SHCBP1: variants seen among roughly 807,000 people sequenced by gnomAD.
The protein encoded by SHCBP1 is SHC SH2 domain-binding protein 1.
A neutral mutation model predicts 75.1 loss-of-function variants in SHCBP1; 60 were observed. The ratio of observed to expected loss-of-function variants is 0.80; its 90% CI spans 0.65 to 0.99. SHCBP1 has a LOEUF of 0.99. SHCBP1 is among the 50% of genes least tolerant of loss of function. SHCBP1 has a pLI of 0.00. For missense variants in SHCBP1, 709 were observed against 809.4 expected, an observed-to-expected ratio of 0.88 and a Z score of 1.50; for synonymous variants, 290 against 293.2, an observed-to-expected ratio of 0.99 and a Z score of 0.11.
At chr16:46,600,535 C>G (rs1474992489) in intron 8 of SHCBP1, among the ~76,000 whole-genome samples, 1 of 152,102 alleles carries the variant, frequency 6.6e-6, no homozygotes, top group Non-Finnish European at 1.5e-5. Flanking sequence ...AAGCACTCAC[C>G]CTTAGAAGTT....
At position 46,581,668 on chromosome 16, in the gene SHCBP1, G is replaced by C; in HGVS notation, c.*61C>G. On this transcript the variant is annotated 3_prime_UTR_variant, in exon 13 of 13. Transcript: ENST00000303383. ...AATACAGCAAACTACAATGGCAGCA[G>C]TGATTCTTAGGGCAGCATGTGCAAA... 2 of 1,419,566 alleles carry C rather than the reference G, an allele frequency of 1.4e-6. No homozygotes were observed. The highest frequency in any genetic ancestry group is 2.6e-5 in the South Asian group (2 of 76,354). The allele number at this position is 1,419,566 out of a possible 1,614,324, so 87.9% of individuals were successfully genotyped here.
At chr16:46,611,719 G>A (rs961197529) in intron 4 of SHCBP1, among the ~76,000 whole-genome samples, 5 of 152,130 alleles carry the variant, frequency 3.3e-5, no homozygotes, top group Non-Finnish European at 7.3e-5. Flanking sequence ...TAACATCACA[G>A]TTTCTAAGAA....
In SHCBP1 at chr16:46,579,786, T is replaced by C. The variant is rs945780069; in HGVS notation, c.*1943A>G. Among the ~76,000 whole-genome samples the C allele has an allele frequency of 2.0e-5, 3 of 151,874 alleles. No homozygotes were observed. Among genetic ancestry groups the C allele is most frequent in the African/African-American group, 7.3e-5 (3 of 41,354 alleles). On this transcript the variant is annotated 3_prime_UTR_variant, in exon 13 of 13. Coordinates refer to ENST00000303383, the MANE Select transcript of SHCBP1 (RefSeq NM_024745.5). ...CCTGTCTCTACTAAAAATACAAAAA[T>C]TAGCCAGGCATGGTGGCTGTCATAC... is the stretch of plus-strand genomic sequence containing the variant.
At chr16:46,604,608 A>G in intron 5 of SHCBP1, 147 bp from the exon 6 acceptor site, 1 of 496,682 alleles carries the variant, frequency 2.0e-6, no homozygotes, top group South Asian at 3.0e-5. Flanking sequence ...ATAGCACTGT[A>G]ATAATAATAA....
intron 1 of SHCBP1, among the ~76,000 whole-genome samples, chr16:46,618,774 T>C (rs1965542327): frequency 6.6e-6 from 1 of 152,186 alleles, no homozygotes; most frequent in Non-Finnish European, 1.5e-5. Flanking sequence ...CCTGAGTAAC[T>C]AGGACTACAG....
At position 46,621,306 on chromosome 16, in the gene SHCBP1, C is replaced by T; in HGVS notation, c.54G>A (p.Pro18=). The T allele has an allele frequency of 1.2e-6, 2 of 1,611,160 alleles. No homozygotes were observed. The highest frequency in any genetic ancestry group is 1.7e-6 in the Non-Finnish European group (2 of 1,179,202). ...GGGLEAAAMA[P]ERMGWAVEQE... ...GCTCCACCGCCCAGCCCATGCGCTC[C>T]GGCGCCATGGCCGCTGCCTCCAGAC... Residue 18 remains proline (P), a synonymous_variant, in exon 1 of 13, where the codon CCG becomes CCA. Coordinates refer to ENST00000303383, the MANE Select transcript of SHCBP1 (RefSeq NM_024745.5).
intron 5 of SHCBP1, among the ~76,000 whole-genome samples, chr16:46,607,492 T>C (rs1323174331): frequency 6.6e-6 from 1 of 152,148 alleles, no homozygotes; most frequent in Non-Finnish European, 1.5e-5. Context: ...CGACTTGAGT[T>C]CCACAAAAAT....
intron 10 of SHCBP1, among the ~76,000 whole-genome samples, chr16:46,585,884 G>T (rs901304105): frequency 1.3e-5 from 2 of 152,144 alleles, no homozygotes; most frequent in Non-Finnish European, 2.9e-5. Context: ...GCAGTAAGAA[G>T]GAGCTCCCCC....
intron 4 of SHCBP1, among the ~76,000 whole-genome samples, chr16:46,611,836 A>G (rs577496561): frequency 6.6e-6 from 1 of 152,196 alleles, no homozygotes; most frequent in South Asian, 2.1e-4. Flanking sequence ...TCCACCCTCT[A>G]TAAAGTTCTC....
intron 10 of SHCBP1, among the ~76,000 whole-genome samples, chr16:46,585,522 C>CA (rs1016400988): frequency 6.6e-5 from 10 of 151,564 alleles, no homozygotes; most frequent in African/African-American, 1.7e-4. Flanking sequence ...GACATACACC[C>CA]AAAAAAAAGC....
chr16:46,582,884 T>A (rs967028666), intron 12 of SHCBP1, among the ~76,000 whole-genome samples: 1 of 152,234 alleles, frequency 6.6e-6, no homozygotes, highest in African/African-American at 2.4e-5. Flanking sequence ...ATAAATAAAC[T>A]GCTTTAAACT....
rs753642216 is a variant in SHCBP1 at position 46,617,616 on chromosome 16, T to C, written c.387+18A>G. On this transcript the variant is annotated intron_variant, in intron 3 of 12. Coordinates refer to ENST00000303383, the MANE Select transcript of SHCBP1 (RefSeq NM_024745.5). Reference sequence around the variant, plus strand: ...CTTAAAGCTAGAGACAAAGGTCTAATAACAAAATTAACCTTACCTCAACCA... The same window carrying C: ...CTTAAAGCTAGAGACAAAGGTCTAACAACAAAATTAACCTTACCTCAACCA... 6 of 1,601,060 alleles carry C rather than the reference T, an allele frequency of 3.7e-6. No homozygotes were observed. Among genetic ancestry groups the C allele is most frequent in the African/African-American group, 1.3e-5 (1 of 74,746 alleles).
chr16:46,594,941 C>T (rs1472845439), intron 10 of SHCBP1, among the ~76,000 whole-genome samples: 1 of 152,206 alleles, frequency 6.6e-6, no homozygotes, highest in East Asian at 1.9e-4. Context: ...CATACAACGA[C>T]CTAGGTGAAG....
rs913492006 is a variant in SHCBP1 at position 46,580,528 on chromosome 16, G to A, written c.*1201C>T. On this transcript the variant is annotated 3_prime_UTR_variant, in exon 13 of 13. Transcript: ENST00000303383. Reference sequence around the variant, plus strand: ...ACACTGACACTATGGCCCACAGTGAGTTTGAAAAGATATAACAAGATTCAA... The same window carrying A: ...ACACTGACACTATGGCCCACAGTGAATTTGAAAAGATATAACAAGATTCAA... The A allele has an allele frequency of 2.6e-5, 4 of 152,128 alleles. No homozygotes were observed. Among genetic ancestry groups the A allele is most frequent in the Non-Finnish European group, 5.9e-5 (4 of 68,026 alleles). The allele number at this position is 152,128 out of a possible 1,614,324, so 9.4% of individuals were successfully genotyped here. A position where few individuals can be genotyped will look rare whatever the true frequency, so the allele number is the denominator to read the frequency against.
At chr16:46,587,801 G>T (rs994902042) in intron 10 of SHCBP1, among the ~76,000 whole-genome samples, 1 of 152,136 alleles carries the variant, frequency 6.6e-6, no homozygotes, top group African/African-American at 2.4e-5. Context: ...ACTCAGCTCT[G>T]CACCAAGCGG....
Position 46,579,159 on chromosome 16 carries a change from G to A in SHCBP1, c.*2570C>T, listed in dbSNP as rs1292602646. 6.6e-6 allele frequency among the ~76,000 whole-genome samples: 1 copy of A among 152,122 alleles called. No homozygotes were observed. Among genetic ancestry groups the A allele is most frequent in the Non-Finnish European group, 1.5e-5 (1 of 68,018 alleles). The stretch of plus-strand genomic sequence containing the variant: ...ATTTTGCTACCTGCCATAAATTCAA[G>A]GTCACACTAAGAGTGGACCATAAGG... On this transcript the variant is annotated 3_prime_UTR_variant, in exon 13 of 13. Coordinates refer to ENST00000303383, the MANE Select transcript of SHCBP1 (RefSeq NM_024745.5).
chr16:46,580,320 A>G lies in SHCBP1; in HGVS notation c.*1409T>C, dbSNP rs574777135. On this transcript the variant is annotated 3_prime_UTR_variant, in exon 13 of 13. Transcript: ENST00000303383. ...TTTTTAAAAGTAAAAATACCTTTCA[A>G]TGATCAAATAATAAATCTAACATAA... Among the ~76,000 whole-genome samples, 1 of 152,316 alleles carries G rather than the reference A, an allele frequency of 6.6e-6. No homozygotes were observed. The highest frequency in any genetic ancestry group is 2.4e-5 in the African/African-American group (1 of 41,568).
At chr16:46,589,337 G>A (rs1216282168) in intron 10 of SHCBP1, among the ~76,000 whole-genome samples, 1 of 152,148 alleles carries the variant, frequency 6.6e-6, no homozygotes, top group Non-Finnish European at 1.5e-5. Context: ...AATCAGGCAG[G>A]AGAAAGAAAT....
chr16:46,595,677 T>C lies in SHCBP1; in HGVS notation c.1346-7A>G, dbSNP rs752729001. On this transcript the variant is annotated splice_region_variant and splice_polypyrimidine_tract_variant and intron_variant, in intron 9 of 12. Transcript: ENST00000303383. ...GTCTTACCACGGTGAACAACTGGGA[T>C]GAAAATACACGCTGACTGTTTTAAG... 6.2e-7 allele frequency: 1 copy of C among 1,602,652 alleles called. No homozygotes were observed. The highest frequency in any genetic ancestry group is 2.2e-5 in the East Asian group (1 of 44,808).
Sources: gnomAD v4.1 joint callset for allele counts (sites outside exome capture counted in the v4.1 genomes callset) on GRCh38, gnomAD v4.1.1 for gene constraint, MANE v1.5 for transcripts, NCBI Gene and HGNC (gene_info 2026-07-23, HGNC 2026-07-21) for gene names.